Variants in ZNF423 observed in about 807,000 individuals in gnomAD.
The protein encoded by ZNF423 is Ebf-associated zinc finger protein.
ZNF423 carries 12 observed loss-of-function variants against 95.8 expected under a neutral mutation model. That is an observed-to-expected ratio of 0.13 (90% CI 0.08 to 0.20). ZNF423 has a LOEUF of 0.20. ZNF423 is among the 10% of genes least tolerant of loss of function. ZNF423 has a pLI of 1.00. For synonymous variants in ZNF423, 749 were observed against 711.9 expected (o/e 1.05, Z -0.83); for missense variants, 1,316 against 1,737.1 (o/e 0.76, Z 4.31).
At chr16:49,625,767 A>T (rs1972240053) in intron 5 of ZNF423, among the ~76,000 whole-genome samples, 1 of 152,246 alleles carries the variant, frequency 6.6e-6, no homozygotes, top group Non-Finnish European at 1.5e-5. Context: ...TAACTTTGTA[A>T]GCGTTCTGTT....
intron 1 of ZNF423, among the ~76,000 whole-genome samples, chr16:49,811,046 T>C (rs1597030795): frequency 6.6e-6 from 1 of 152,202 alleles, no homozygotes; most frequent in African/African-American, 2.4e-5. Flanking sequence ...CAGGGGGCCC[T>C]CAGAGCTGTC....
chr16:49,658,187 A>G (rs2029993017), intron 3 of ZNF423, among the ~76,000 whole-genome samples: 1 of 152,212 alleles, frequency 6.6e-6, no homozygotes, highest in African/African-American at 2.4e-5. Flanking sequence ...CCCATACTGC[A>G]GTGACTGCAG....
At chr16:49,502,305 A>T (rs1433010941) in intron 7 of ZNF423, among the ~76,000 whole-genome samples, 1 of 152,172 alleles carries the variant, frequency 6.6e-6, no homozygotes, top group Non-Finnish European at 1.5e-5. Context: ...TCTGACAAAG[A>T]GGGTAAGGGT....
intron 5 of ZNF423, among the ~76,000 whole-genome samples, chr16:49,549,829 T>G (rs981674107): frequency 1.3e-5 from 2 of 152,152 alleles, no homozygotes; most frequent in Non-Finnish European, 2.9e-5. Flanking sequence ...CTTAGAAGAA[T>G]GTTTATATAA....
chr16:49,559,751 C>T (rs1028224127), intron 5 of ZNF423, among the ~76,000 whole-genome samples: 1 of 152,128 alleles, frequency 6.6e-6, no homozygotes, highest in African/African-American at 2.4e-5. Context: ...GGCCAATGTA[C>T]CCAGATGCTA....
At chr16:49,834,729 C>T (rs574537193) in intron 1 of ZNF423, among the ~76,000 whole-genome samples, 152 of 152,222 alleles carry the variant, frequency 1.0e-3, no homozygotes, top group African/African-American at 3.4e-3. Flanking sequence ...CGCTGTGTGC[C>T]AGTCCCTGGG....
intron 1 of ZNF423, among the ~76,000 whole-genome samples, chr16:49,834,455 A>C (rs1254091526): frequency 6.6e-6 from 1 of 152,138 alleles, no homozygotes; most frequent in Non-Finnish European, 1.5e-5. Flanking sequence ...CAGCAGACAA[A>C]GGATTTGACC....
At chr16:49,760,657 C>G (rs1251624942) in intron 2 of ZNF423, among the ~76,000 whole-genome samples, 1 of 152,030 alleles carries the variant, frequency 6.6e-6, no homozygotes, top group Non-Finnish European at 1.5e-5. Flanking sequence ...TGAGGGCAAG[C>G]AGCACAAGAT....
At chr16:49,757,698 CCT>C (rs1457662482) in intron 2 of ZNF423, among the ~76,000 whole-genome samples, 1 of 152,178 alleles carries the variant, frequency 6.6e-6, no homozygotes, top group Admixed American at 6.5e-5. Flanking sequence ...GAAATACACC[CCT>C]GTCATCAATT....
chr16:49,771,002 G>A (rs373077272), intron 2 of ZNF423, among the ~76,000 whole-genome samples: 11 of 152,236 alleles, frequency 7.2e-5, no homozygotes, highest in Middle Eastern at 6.8e-3. Flanking sequence ...GCCAAGGGAC[G>A]GAGGAGCAGA....
chr16:49,629,720 C>A (rs1340127448), intron 4 of ZNF423, among the ~76,000 whole-genome samples: 3 of 152,212 alleles, frequency 2.0e-5, no homozygotes, highest in East Asian at 1.9e-4. Context: ...TGAGGCAGCA[C>A]ATGAAGTGCT....
intron 1 of ZNF423, among the ~76,000 whole-genome samples, chr16:49,853,285 A>C (rs1258496758): frequency 7.8e-6 from 1 of 127,840 alleles, no homozygotes; most frequent in African/African-American, 3.0e-5. Flanking sequence ...AATATTGCTT[A>C]AGAGAAGGGG....
intron 7 of ZNF423, among the ~76,000 whole-genome samples, chr16:49,511,833 G>C (rs1480474440): frequency 1.3e-5 from 2 of 152,172 alleles, no homozygotes; most frequent in African/African-American, 2.4e-5. Flanking sequence ...CCACTTGACA[G>C]TAAATAAACC....
chr16:49,786,126 C>T (rs148295519), intron 2 of ZNF423, among the ~76,000 whole-genome samples: 4 of 152,330 alleles, frequency 2.6e-5, no homozygotes, highest in African/African-American at 9.6e-5. Context: ...AGTGGGCCTG[C>T]GCACTCCGCT....
chr16:49,857,324 C>CA (rs1340421576), upstream of ZNF423, among the ~76,000 whole-genome samples: 2 of 150,066 alleles, frequency 1.3e-5, no homozygotes, highest in Admixed American at 6.6e-5. This position sits in a 1 kb window ranked among gnomAD's most constrained non-coding sequence, Gnocchi z 6.2. Flanking sequence ...GCGGCGGCGG[C>CA]GGCAGGCACG....
In ZNF423 at chr16:49,511,542, G is replaced by A. The variant is rs1597024845; in HGVS notation, c.3849+12082C>T. Among the ~76,000 whole-genome samples, 3 of 152,312 alleles carry A rather than the reference G, an allele frequency of 2.0e-5. 1 individual carries two copies. Among genetic ancestry groups the A allele is most frequent in the Admixed American group, 2.0e-4 (3 of 15,306 alleles). ...GGTCCTAAGAGGCTACCCACATGAAGGGCTTACAGTCAGGTTCCCAGTAAG... is the reference window on the plus strand; with the variant it reads ...GGTCCTAAGAGGCTACCCACATGAAAGGCTTACAGTCAGGTTCCCAGTAAG... On this transcript the variant is annotated intron_variant, in intron 7 of 7. Coordinates refer to ENST00000563137, the MANE Select transcript of ZNF423 (RefSeq NM_001379286.1).
In ZNF423 at chr16:49,523,759, T is replaced by G; in HGVS notation, c.3734-20A>C. The G allele has an allele frequency of 6.2e-7, 1 of 1,606,958 alleles. No homozygotes were observed. The highest frequency in any genetic ancestry group is 8.5e-7 in the Non-Finnish European group (1 of 1,177,098). ...CGAAGACTAGACACAGACACGGCTGTCAGGGCCAAGCTCAGGACACCAGCC... is the reference window on the plus strand; with the variant it reads ...CGAAGACTAGACACAGACACGGCTGGCAGGGCCAAGCTCAGGACACCAGCC... On this transcript the variant is annotated intron_variant, in intron 6 of 7. Coordinates refer to ENST00000563137, the MANE Select transcript of ZNF423 (RefSeq NM_001379286.1).
In ZNF423 at chr16:49,744,047, A is replaced by G. The variant is rs2033470327; in HGVS notation, c.101-13076T>C. ...GGGTGGCAGCCTCAGCCCACCTCCAAGGATCCATGCAAGCAGCTGGCTCCT... is the reference window on the plus strand; with the variant it reads ...GGGTGGCAGCCTCAGCCCACCTCCAGGGATCCATGCAAGCAGCTGGCTCCT... On this transcript the variant is annotated intron_variant, in intron 2 of 7. Transcript: ENST00000563137. Among the ~76,000 whole-genome samples the G allele has an allele frequency of 2.0e-5, 3 of 152,208 alleles. No individual in the cohort carries two copies. In the South Asian group the frequency reaches 6.2e-4, roughly 32 times the overall value.
intron 5 of ZNF423, among the ~76,000 whole-genome samples, chr16:49,602,354 T>C (rs928634472): frequency 6.6e-6 from 1 of 152,222 alleles, no homozygotes; most frequent in African/African-American, 2.4e-5. Flanking sequence ...CTCCTCATCT[T>C]TTCTGCACTC....
Sources: allele counts gnomAD v4.1 joint callset (sites outside exome capture counted in the v4.1 genomes callset), GRCh38; gene constraint gnomAD v4.1.1; non-coding constraint Gnocchi (gnomAD v3.1); transcripts MANE v1.5; gene names NCBI Gene and HGNC (gene_info 2026-07-23, HGNC 2026-07-21).